The following PANK4 variants were observed in gnomAD, a reference collection of about 807,000 sequenced individuals.
PANK4 encodes the protein 4'-phosphopantetheine phosphatase.
A neutral mutation model predicts 87.9 loss-of-function variants in PANK4; 40 were observed. That is an observed-to-expected ratio of 0.46 (90% CI 0.35 to 0.59). PANK4 has a LOEUF of 0.59. PANK4 is among the 20% of genes least tolerant of loss of function. The probability of loss-of-function intolerance (pLI) is 0.00; values close to 1 mark genes in which losing one functional copy is unlikely to be tolerated. For synonymous variants in PANK4, 524 were observed against 467.4 expected (o/e 1.12, Z -1.56); for missense variants, 926 against 1,072.3 (o/e 0.86, Z 1.90).
intron 7 of PANK4, 150 bp from the exon 8 acceptor site, chr1:2,518,747 C>T (rs941858345): frequency 5.0e-5 from 34 of 686,856 alleles, no homozygotes; most frequent in East Asian, 2.7e-4. Flanking sequence ...CCAGTGGAAT[C>T]GCGCCTGGCA....
chr1:2,511,139 G>C (rs984765445), intron 15 of PANK4, among the ~76,000 whole-genome samples, 199 bp downstream of exon 15: 2 of 152,226 alleles, frequency 1.3e-5, no homozygotes, highest in Non-Finnish European at 2.9e-5. Flanking sequence ...TGTGCCTAGA[G>C]CAGGTGACCT....
In PANK4 at chr1:2,520,394, G is replaced by A. The variant is rs755513734; in HGVS notation, c.627C>T (p.Phe209=). The change falls in exon 5 of 19, where the codon TTC becomes TTT. Residue 209 remains phenylalanine (F), a synonymous_variant. Coordinates refer to ENST00000378466, the MANE Select transcript of PANK4 (RefSeq NM_018216.4). The surrounding 1 kb of genome is among the most constrained non-coding windows in gnomAD (Gnocchi z 6.2). ...CAATGGAGCTGCCGCCGACCCACTC[G>A]AACCTGTCCTCCGTCTCCACCTGCA... ...SIVKVETEDR[F]EWVGGSSIGG... 21 of 1,612,866 alleles carry A rather than the reference G, an allele frequency of 1.3e-5. No individual in the cohort carries two copies. Among genetic ancestry groups the A allele is most frequent in the East Asian group, 4.5e-5 (2 of 44,886 alleles).
At position 2,510,045 on chromosome 1, in the gene PANK4, G is replaced by T; in HGVS notation, c.2039+12C>A. ...CATCAAGGCCCCCCCAGCACTGCCCGCCAACACTCACTGCACGACAGGGTC... is the reference window on the plus strand; with the variant it reads ...CATCAAGGCCCCCCCAGCACTGCCCTCCAACACTCACTGCACGACAGGGTC... On this transcript the variant is annotated intron_variant, in intron 17 of 18. Transcript: ENST00000378466. The surrounding 1 kb of genome is among the most constrained non-coding windows in gnomAD (Gnocchi z 4.9). The T allele has an allele frequency of 6.3e-7, 1 of 1,597,982 alleles. No individual in the cohort carries two copies. Among genetic ancestry groups the T allele is most frequent in the African/African-American group, 1.3e-5 (1 of 74,668 alleles).
At chr1:2,513,955 G>T in intron 12 of PANK4, 47 bp downstream of exon 12, 1 of 1,357,330 alleles carries the variant, frequency 7.4e-7, no homozygotes, top group Non-Finnish European at 1.1e-6. Context: ...CGGTGCCAGC[G>T]GGACGGGGAC....
intron 10 of PANK4, 66 bp from the exon 11 acceptor site, chr1:2,514,532 C>T (rs1048345534): frequency 2.7e-6 from 3 of 1,102,528 alleles, no homozygotes; most frequent in Admixed American, 1.9e-5. Flanking sequence ...CCCCACGTGA[C>T]AGCAGGGGGC....
chr1:2,521,658 C>A, intron 2 of PANK4, 60 bp downstream of exon 2: 1 of 1,299,342 alleles, frequency 7.7e-7, no homozygotes, highest in Non-Finnish European at 1.1e-6. Context: ...AGACAAGTGC[C>A]AGGTCCAAGA....
Position 2,519,331 on chromosome 1 carries a change from A to G in PANK4, c.854-7T>C, listed in dbSNP as rs530601132. The G allele has an allele frequency of 6.3e-7, 1 of 1,596,376 alleles. No individual in the cohort carries two copies. The highest frequency in any genetic ancestry group is 1.7e-5 in the Admixed American group (1 of 58,958). ...ATGTCTTCTTTGGAGAACTCTGAGG[A>G]AGGGAAGGAAAAGGCACTCATCTCC... On this transcript the variant is annotated splice_polypyrimidine_tract_variant and splice_region_variant and intron_variant, in intron 6 of 18. Coordinates refer to ENST00000378466, the MANE Select transcript of PANK4 (RefSeq NM_018216.4). The surrounding 1 kb of genome is among the most constrained non-coding windows in gnomAD (Gnocchi z 8.3).
rs377767057 is a variant in PANK4 at position 2,518,177 on chromosome 1, G to A, written c.1205C>T (p.Ala402Val). 2.3e-5 allele frequency: 37 copies of A among 1,605,754 alleles called. No individual in the cohort carries two copies. The highest frequency in any genetic ancestry group is 3.4e-5 in the Admixed American group (2 of 59,644). The change falls in exon 9 of 19, where the codon GCG (alanine) becomes GTG (valine). Residue 402 changes from alanine (A) to valine (V), a missense_variant. By Grantham distance (64) the Ala-to-Val change is moderately conservative (BLOSUM62 0). Transcript: ENST00000378466. ...ASPELGPAQR[A>V]RSGTFDLLEM... ...CCCACTACTCACAGTGCCACTCCGC[G>A]CCCGCTGCGCCGGGCCGAGCTCGGG...
chr1:2,514,635 G>A (rs1318561980), intron 10 of PANK4, among the ~76,000 whole-genome samples, 169 bp from the exon 11 acceptor site: 3 of 140,804 alleles, frequency 2.1e-5, no homozygotes, highest in Admixed American at 7.0e-5. Flanking sequence ...GCCGGCTGTC[G>A]GGGGCTGTTT....
chr1:2,511,451 T>C (rs1200103771), intron 14 of PANK4, 64 bp from the exon 15 acceptor site: 1 of 1,285,756 alleles, frequency 7.8e-7, no homozygotes, highest in South Asian at 1.2e-5. Flanking sequence ...GGGAGACGCG[T>C]CTTCAGGTGT....
rs994240952 is a variant in PANK4 at position 2,510,224 on chromosome 1, C to T, written c.1939-67G>A. On this transcript the variant is annotated intron_variant, in intron 16 of 18. Transcript: ENST00000378466. The surrounding 1 kb of genome is among the most constrained non-coding windows in gnomAD (Gnocchi z 4.9). ...CCCAGCATGGAGCCTGCGTGCACCC[C>T]GGCCTTCGAGTGGCTGGGCTGGGTG... 2.2e-5 allele frequency: 23 copies of T among 1,063,226 alleles called. No individual in the cohort carries two copies. The highest frequency in any genetic ancestry group is 2.7e-4 in the Middle Eastern group (1 of 3,704). 65.9% of individuals were successfully genotyped at this position (1,063,226 alleles called of 1,614,324 possible).
rs959460443 is a variant in PANK4 at position 2,509,679 on chromosome 1, C to T, written c.2108+183G>A. 24 of 631,592 alleles carry T rather than the reference C, an allele frequency of 3.8e-5. No homozygotes were observed. The highest frequency in any genetic ancestry group is 6.3e-5 in the Non-Finnish European group (22 of 348,990). 39.1% of individuals were successfully genotyped at this position (631,592 alleles called of 1,614,324 possible). A position where few individuals can be genotyped will look rare whatever the true frequency, so the allele number is the denominator to read the frequency against. On this transcript the variant is annotated intron_variant, in intron 18 of 18. Transcript: ENST00000378466. The surrounding 1 kb of genome is among the most constrained non-coding windows in gnomAD (Gnocchi z 4.9). ...ACCTCAGACCCTGAATCCATTCACC[C>T]TCCCCAGGCCACCTTCGGGGATGGC...
chr1:2,516,226 G>A (rs1044431594), intron 9 of PANK4, among the ~76,000 whole-genome samples: 5 of 152,222 alleles, frequency 3.3e-5, no homozygotes, highest in Middle Eastern at 3.4e-3. Flanking sequence ...GTTCCACTCC[G>A]TGCCGGGCAG....
In PANK4 at chr1:2,510,495, G is replaced by C. The variant is rs1157388838; in HGVS notation, c.1938+183C>G. 4 of 614,546 alleles carry C rather than the reference G, an allele frequency of 6.5e-6. No individual in the cohort carries two copies. Among genetic ancestry groups the C allele is most frequent in the African/African-American group, 3.7e-5 (2 of 54,020 alleles). The allele number at this position is 614,546 out of a possible 1,614,324, so 38.1% of individuals were successfully genotyped here. Reference sequence around the variant, plus strand: ...CACATGGACCCTCAGCCTGAGCCCAGGGGGCTCGGAGCCTCCACCCCAGCA... The same window carrying C: ...CACATGGACCCTCAGCCTGAGCCCACGGGGCTCGGAGCCTCCACCCCAGCA... On this transcript the variant is annotated intron_variant, in intron 16 of 18. Coordinates refer to ENST00000378466, the MANE Select transcript of PANK4 (RefSeq NM_018216.4). This position sits in a 1 kb window ranked among gnomAD's most constrained non-coding sequence, Gnocchi z 4.9.
chr1:2,521,664 C>T lies in PANK4; in HGVS notation c.207+54G>A, dbSNP rs762125574. ...ATGACTGCGAGACAAGTGCCAGGTC[C>T]AAGACGACAGAGAAGCGGCTGCCCT... is the stretch of plus-strand genomic sequence containing the variant. On this transcript the variant is annotated intron_variant, in intron 2 of 18. Transcript: ENST00000378466. 6 of 1,377,112 alleles carry T rather than the reference C, an allele frequency of 4.4e-6. 1 individual carries two copies. The South Asian group carries it at 6.9e-5, about 16-fold the overall frequency. 85.3% of individuals were successfully genotyped at this position (1,377,112 alleles called of 1,614,324 possible).
At position 2,513,936 on chromosome 1, in the gene PANK4, C is replaced by G. The variant is rs971838374; in HGVS notation, c.1575+66G>C. The G allele has an allele frequency of 3.3e-6, 4 of 1,203,572 alleles. No individual in the cohort carries two copies. In the Admixed American group the frequency reaches 5.1e-5, roughly 15 times the overall value. The allele number at this position is 1,203,572 out of a possible 1,614,324, so 74.6% of individuals were successfully genotyped here. On this transcript the variant is annotated intron_variant, in intron 12 of 18. Coordinates refer to ENST00000378466, the MANE Select transcript of PANK4 (RefSeq NM_018216.4). Reference sequence around the variant, plus strand: ...ATGCCCCGAGCCAGCGGGACAGAGACAGGACACGCGGTGCCAGCGGGACGG... The same window carrying G: ...ATGCCCCGAGCCAGCGGGACAGAGAGAGGACACGCGGTGCCAGCGGGACGG...
intron 9 of PANK4, among the ~76,000 whole-genome samples, chr1:2,516,385 G>A (rs1481828733): frequency 2.6e-5 from 4 of 152,192 alleles, no homozygotes; most frequent in East Asian, 1.9e-4. Flanking sequence ...GCGCGCTCAC[G>A]GGCCCTGCTG....
At position 2,511,683 on chromosome 1, in the gene PANK4, A is replaced by G; in HGVS notation, c.1728T>C (p.Ala576=). The G allele has an allele frequency of 6.3e-7, 1 of 1,598,292 alleles. No individual in the cohort carries two copies. Among genetic ancestry groups the G allele is most frequent in the Non-Finnish European group, 8.6e-7 (1 of 1,165,910 alleles). ...CAAAGTAGGGGTCGGATTCAAGGACACTGCATGGAGGAGGAGAAAAGAAAA... is the reference window on the plus strand; with the variant it reads ...CAAAGTAGGGGTCGGATTCAAGGACGCTGCATGGAGGAGGAGAAAAGAAAA... ...VFDWGAKAVS[A]VLESDPYFGF... Residue 576 remains alanine (A), a splice_region_variant and synonymous_variant, in exon 14 of 19, where the codon GCT becomes GCC. Transcript: ENST00000378466.
intron 11 of PANK4, 51 bp downstream of exon 11, chr1:2,514,303 G>T (rs1046422541): frequency 1.2e-5 from 17 of 1,375,794 alleles, no homozygotes; most frequent in Non-Finnish European, 1.6e-5. Flanking sequence ...AGAGGTGCAG[G>T]GGCCCTCTGG....
Sources: gnomAD v4.1 joint callset for allele counts (sites outside exome capture counted in the v4.1 genomes callset) on GRCh38, gnomAD v4.1.1 for gene constraint, Gnocchi (gnomAD v3.1) non-coding constraint, MANE v1.5 for transcripts, NCBI Gene and HGNC (gene_info 2026-07-23, HGNC 2026-07-21) for gene names.